The following IGF1R variants were observed in gnomAD, a reference collection of about 807,000 sequenced individuals.
IGF1R encodes insulin-like growth factor 1 receptor.
IGF1R carries 44 observed loss-of-function variants against 144.6 expected under a neutral mutation model. That is an observed-to-expected ratio of 0.30 (90% CI 0.24 to 0.39). IGF1R has a LOEUF of 0.39. IGF1R is among the 10% of genes least tolerant of loss of function. The pLI is 1.00. For missense variants in IGF1R, 1,355 were observed against 1,833.7 expected, an observed-to-expected ratio of 0.74 and a Z score of 4.77; for synonymous variants, 795 against 722.8, an observed-to-expected ratio of 1.10 and a Z score of -1.60.
intron 2 of IGF1R, among the ~76,000 whole-genome samples, chr15:98,868,348 A>C (rs1442830774): frequency 7.6e-6 from 1 of 130,860 alleles, no homozygotes; most frequent in African/African-American, 2.7e-5. Flanking sequence ...AAAAAAAGCC[A>C]AATCTGTTGG....
Position 98,727,007 on chromosome 15 carries a change from C to T in IGF1R, c.640+18900C>T, listed in dbSNP as rs116722070. Among the ~76,000 whole-genome samples, 968 of 152,180 alleles carry T rather than the reference C, an allele frequency of 6.4e-3. 12 individuals are homozygous for T. Among genetic ancestry groups the T allele is most frequent in the African/African-American group, 0.019 (774 of 41,510 alleles). On this transcript the variant is annotated intron_variant, in intron 2 of 20. Transcript: ENST00000650285. ...AAGTGCTGGGATTCTAGGTGTGAGCCGCCACACCTGGCCTGATGAATTATT... is the reference window on the plus strand; with the variant it reads ...AAGTGCTGGGATTCTAGGTGTGAGCTGCCACACCTGGCCTGATGAATTATT...
At chr15:98,767,419 CTG>C (rs1370774419) in intron 2 of IGF1R, among the ~76,000 whole-genome samples, 5 of 152,182 alleles carry the variant, frequency 3.3e-5, no homozygotes, top group Non-Finnish European at 7.3e-5. Flanking sequence ...TGAGGCATAA[CTG>C]TAATTATCCG....
chr15:98,825,648 G>C (rs1470727693), intron 2 of IGF1R, among the ~76,000 whole-genome samples: 1 of 152,158 alleles, frequency 6.6e-6, no homozygotes, highest in Admixed American at 6.5e-5. Flanking sequence ...CCCATCTGTG[G>C]AAAAATTGTC....
chr15:98,924,963 C>G (rs759608758), intron 13 of IGF1R, among the ~76,000 whole-genome samples: 1 of 151,740 alleles, frequency 6.6e-6, no homozygotes, highest in Non-Finnish European at 1.5e-5. Flanking sequence ...CCAGAGGAGA[C>G]AGTTGCTTTC....
intron 2 of IGF1R, among the ~76,000 whole-genome samples, chr15:98,767,297 ATTC>A (rs1282194089): frequency 2.0e-5 from 3 of 152,126 alleles, no homozygotes; most frequent in African/African-American, 7.2e-5. Context: ...TTTCTGTTCC[ATTC>A]TTCTTTTCCA....
At chr15:98,900,250 G>A (rs775957929) in intron 5 of IGF1R, among the ~76,000 whole-genome samples, 9 of 152,202 alleles carry the variant, frequency 5.9e-5, no homozygotes, top group Non-Finnish European at 5.9e-5. Context: ...CTTATTGCAT[G>A]CACAATTGCT....
At chr15:98,760,361 A>AAAAATCCGTTT (rs3076031) in intron 2 of IGF1R, among the ~76,000 whole-genome samples, 1 of 152,008 alleles carries the variant, frequency 6.6e-6, no homozygotes, top group Non-Finnish European at 1.5e-5. Flanking sequence ...AAAAAAAAAA[A>AAAAATCCGTTT]ATCCGTTTAC....
At chr15:98,893,077 CA>C (rs1345906523) in intron 3 of IGF1R, among the ~76,000 whole-genome samples, 1 of 152,188 alleles carries the variant, frequency 6.6e-6, no homozygotes, top group African/African-American at 2.4e-5. Flanking sequence ...TGATTAGCAC[CA>C]GGGGGCCTGT....
intron 2 of IGF1R, among the ~76,000 whole-genome samples, chr15:98,830,245 A>G (rs1229724247): frequency 1.3e-5 from 2 of 152,180 alleles, no homozygotes. Context: ...GTTCTCAGAG[A>G]ACTCATCTCC....
At chr15:98,943,978 G>A (rs1042522666) in intron 19 of IGF1R, among the ~76,000 whole-genome samples, 1 of 152,056 alleles carries the variant, frequency 6.6e-6, no homozygotes, top group African/African-American at 2.4e-5. Flanking sequence ...AATATGACCC[G>A]GCAAAGCATG....
Position 98,673,848 on chromosome 15 carries a change from C to T in IGF1R, c.94+24173C>T, listed in dbSNP as rs550825842. Among the ~76,000 whole-genome samples, 5 of 152,344 alleles carry T rather than the reference C, an allele frequency of 3.3e-5. No homozygotes were observed. In the South Asian group the frequency reaches 8.3e-4, roughly 25 times the overall value. On this transcript the variant is annotated intron_variant, in intron 1 of 20. Transcript: ENST00000650285. ...GCCAGGCGCTGTATTTTGTATTTTGCATGTCTGAGGCCAGCATCTTTTTCC... is the reference window on the plus strand; with the variant it reads ...GCCAGGCGCTGTATTTTGTATTTTGTATGTCTGAGGCCAGCATCTTTTTCC...
intron 17 of IGF1R, among the ~76,000 whole-genome samples, chr15:98,938,955 T>TGCAAATTG (rs1224957635): frequency 6.6e-6 from 1 of 151,914 alleles, no homozygotes; most frequent in African/African-American, 2.4e-5. Flanking sequence ...TCCTAAAGAG[T>TGCAAATTG]GCAAATTGGT....
intron 2 of IGF1R, among the ~76,000 whole-genome samples, chr15:98,801,272 G>A (rs546371227): frequency 2.4e-4 from 37 of 152,322 alleles, no homozygotes; most frequent in African/African-American, 3.6e-4. Context: ...CCCCGTGAGC[G>A]GCTCTTTATT....
At chr15:98,813,162 G>A (rs1333511787) in intron 2 of IGF1R, among the ~76,000 whole-genome samples, 1 of 152,048 alleles carries the variant, frequency 6.6e-6, no homozygotes, top group Admixed American at 6.5e-5. Context: ...TTGACATCTT[G>A]GGGCCTTGCT....
At chr15:98,783,958 A>ATT (rs71149420) in intron 2 of IGF1R, among the ~76,000 whole-genome samples, 29 of 54,790 alleles carry the variant, frequency 5.3e-4, no homozygotes, top group African/African-American at 1.9e-3. Flanking sequence ...GGCATCTGAA[A>ATT]TTTTTTTTTT....
chr15:98,831,268 T>C (rs2056996613), intron 2 of IGF1R, among the ~76,000 whole-genome samples: 1 of 152,264 alleles, frequency 6.6e-6, no homozygotes, highest in African/African-American at 2.4e-5. Flanking sequence ...GATTTCAACG[T>C]GTTCTAAAAT....
chr15:98,845,848 G>A (rs1269595178), intron 2 of IGF1R, among the ~76,000 whole-genome samples: 1 of 152,130 alleles, frequency 6.6e-6, no homozygotes, highest in Non-Finnish European at 1.5e-5. Context: ...AGTAGATGCA[G>A]TGAATCTTAA....
At chr15:98,687,431 C>T (rs2053357290) in intron 1 of IGF1R, among the ~76,000 whole-genome samples, 1 of 152,166 alleles carries the variant, frequency 6.6e-6, no homozygotes, top group Non-Finnish European at 1.5e-5. Flanking sequence ...CATGTCTCGT[C>T]CTTAGTAAAG....
intron 1 of IGF1R, among the ~76,000 whole-genome samples, chr15:98,657,196 G>C (rs1290213187): frequency 6.6e-6 from 1 of 152,206 alleles, no homozygotes; most frequent in Non-Finnish European, 1.5e-5. Flanking sequence ...GAACTTTAAA[G>C]AACAGAAGTC....
Sources: allele counts gnomAD v4.1 joint callset (sites outside exome capture counted in the v4.1 genomes callset), GRCh38; gene constraint gnomAD v4.1.1; transcripts MANE v1.5; gene names NCBI Gene and HGNC (gene_info 2026-07-23, HGNC 2026-07-21).